The following ARHGAP22 variants were observed in gnomAD, a reference collection of about 807,000 sequenced individuals.
The protein encoded by ARHGAP22 is Rho GTPase activating protein 22.
A neutral mutation model predicts 59.1 loss-of-function variants in ARHGAP22; 48 were observed. That is an observed-to-expected ratio of 0.81 (90% CI 0.64 to 1.03). The LOEUF is 1.03. Among genes scored for constraint, ARHGAP22 ranks in the 50% least tolerant of loss-of-function variants. The probability of loss-of-function intolerance (pLI) is 0.00; values close to 1 mark genes in which losing one functional copy is unlikely to be tolerated. For synonymous variants in ARHGAP22, 445 were observed against 416.4 expected (o/e 1.07, Z -0.84); for missense variants, 1,015 against 958.7 (o/e 1.06, Z -0.78).
chr10:48,645,836 G>T (rs1006078901), intron 1 of ARHGAP22, among the ~76,000 whole-genome samples: 28 of 152,226 alleles, frequency 1.8e-4, no homozygotes, highest in African/African-American at 6.5e-4. Context: ...GAAAAAAGAG[G>T]GTCGGGAGAG....
At chr10:48,608,617 C>T (rs75215613), upstream of ARHGAP22, among the ~76,000 whole-genome samples, 2,459 of 152,248 alleles carry the variant, frequency 0.016, 78 homozygotes, top group East Asian at 0.13. Context: ...ACTCTCTGTT[C>T]CTGCTGCCAG....
the ARHGAP22 span, chr10:48,436,263 T>C: frequency 2.0e-5 from 3 of 152,238 alleles, no homozygotes; most frequent in Non-Finnish European, 2.9e-5. Flanking sequence ...CTAAGTCTTT[T>C]ATTTTTTTAT....
rs1378147025 is a variant in ARHGAP22, at chr10:48,652,534, G to A, written c.-249C>T. ...CTTGGAATGGCCTTGAGAAAGTCAC[G>A]GGGTCTTGGGGTATCAGTTCCTCAA... On this transcript the variant is annotated 5_prime_UTR_variant, in exon 1 of 10. Transcript: ENST00000435790. 2.0e-5 allele frequency: 11 copies of A among 540,236 alleles called. 1 individual carries two copies. The highest frequency in any genetic ancestry group is 5.9e-5 in the East Asian group (2 of 34,050). 33.5% of individuals were successfully genotyped at this position (540,236 alleles called of 1,614,324 possible).
chr10:48,450,488 C>T lies in ARHGAP22; in HGVS notation c.1641G>A (p.Trp547Ter). 6.5e-7 allele frequency: 1 copy of T among 1,533,694 alleles called. No homozygotes were observed. Among genetic ancestry groups the T allele is most frequent in the African/African-American group, 1.4e-5 (1 of 73,186 alleles). ...SSARSSLHTD[W>*]ALEPSPLPSS... Reference sequence around the variant, plus strand: ...TGGGGAGCGGGGAGGGCTCCAGGGCCCAGTCGGTGTGCAGGGAACTGCGGG... The same window carrying T: ...TGGGGAGCGGGGAGGGCTCCAGGGCTCAGTCGGTGTGCAGGGAACTGCGGG... The change falls in exon 9 of 10, where the codon TGG (tryptophan) becomes TGA (stop). Residue 547 changes from tryptophan to a stop codon, truncating the protein, a stop_gained. Transcript: ENST00000249601. LOFTEE classifies it high-confidence loss of function.
chr10:48,476,279 C>G (rs1322492387), intron 4 of ARHGAP22, among the ~76,000 whole-genome samples: 1 of 152,182 alleles, frequency 6.6e-6, no homozygotes, highest in Non-Finnish European at 1.5e-5. Flanking sequence ...GCTGGGCAGG[C>G]CACCAGCAGT....
At chr10:48,505,709 G>A (rs546722949) in intron 3 of ARHGAP22, among the ~76,000 whole-genome samples, 1 of 152,312 alleles carries the variant, frequency 6.6e-6, no homozygotes, top group African/African-American at 2.4e-5. Flanking sequence ...CCCTAGAGGT[G>A]TGTTCAGACG....
intron 1 of ARHGAP22, among the ~76,000 whole-genome samples, chr10:48,628,084 C>A (rs2061510295): frequency 6.6e-6 from 1 of 152,316 alleles, no homozygotes. Context: ...CCTTCTCTTC[C>A]TTGCAGTGGG....
At chr10:48,603,675 C>T (rs1054314635) in intron 1 of ARHGAP22, among the ~76,000 whole-genome samples, 1 of 152,212 alleles carries the variant, frequency 6.6e-6, no homozygotes, top group Non-Finnish European at 1.5e-5. Flanking sequence ...CTCAGCAGAG[C>T]CATGCAAGTT....
intron 1 of ARHGAP22, among the ~76,000 whole-genome samples, chr10:48,612,359 T>C (rs1008253129): frequency 6.6e-6 from 1 of 152,210 alleles, no homozygotes; most frequent in Admixed American, 6.5e-5. Context: ...CAAGAATGGA[T>C]CTGCTCTATA....
intron 1 of ARHGAP22, among the ~76,000 whole-genome samples, chr10:48,619,239 T>C (rs1275208594): frequency 1.3e-5 from 2 of 152,038 alleles, no homozygotes; most frequent in Admixed American, 1.3e-4. Flanking sequence ...TGAACTGAAA[T>C]AATTAATATT....
At chr10:48,620,787 C>T (rs977492250) in intron 1 of ARHGAP22, among the ~76,000 whole-genome samples, 3 of 152,278 alleles carry the variant, frequency 2.0e-5, no homozygotes, top group Admixed American at 2.0e-4. Context: ...TGCCCATAGA[C>T]AAAGACATTT....
At chr10:48,499,046 C>T (rs763784323) in intron 3 of ARHGAP22, among the ~76,000 whole-genome samples, 2 of 152,132 alleles carry the variant, frequency 1.3e-5, no homozygotes, top group Non-Finnish European at 2.9e-5. Context: ...GCTTGGTGGT[C>T]ATCTTGCAGC....
intron 4 of ARHGAP22, among the ~76,000 whole-genome samples, chr10:48,473,378 T>C (rs1386479464): frequency 6.6e-6 from 1 of 152,172 alleles, no homozygotes; most frequent in African/African-American, 2.4e-5. Context: ...GAAAAAGTTC[T>C]GGAGAGGGAT....
At chr10:48,468,947 G>A (rs1326163066) in intron 4 of ARHGAP22, among the ~76,000 whole-genome samples, 1 of 152,110 alleles carries the variant, frequency 6.6e-6, no homozygotes, top group Non-Finnish European at 1.5e-5. Context: ...TACCAACAGA[G>A]CCTGGCATTC....
intron 1 of ARHGAP22, among the ~76,000 whole-genome samples, chr10:48,598,187 T>C (rs7916314): frequency 0.12 from 17,805 of 152,230 alleles, 3,464 homozygotes; most frequent in African/African-American, 0.4. Flanking sequence ...GAAACTCTGT[T>C]TTCCCATCAG....
chr10:48,517,440 G>C (rs955363752), intron 3 of ARHGAP22, among the ~76,000 whole-genome samples: 1 of 152,092 alleles, frequency 6.6e-6, no homozygotes, highest in Admixed American at 6.5e-5. Context: ...GATTCCTGGG[G>C]ACCAAGGAGG....
intron 2 of ARHGAP22, chr10:48,575,433 A>C (rs1706998789): frequency 6.6e-6 from 1 of 152,162 alleles, no homozygotes; most frequent in African/African-American, 2.4e-5. Context: ...TGTGACTTTC[A>C]AGTTATGGGA....
chr10:48,502,505 G>A (rs1203352105), intron 3 of ARHGAP22, among the ~76,000 whole-genome samples: 1 of 152,144 alleles, frequency 6.6e-6, no homozygotes, highest in Admixed American at 6.5e-5. Context: ...GATGAGCGGA[G>A]AGCACCTTTC....
At chr10:48,623,483 G>T (rs1022952483) in intron 1 of ARHGAP22, among the ~76,000 whole-genome samples, 1 of 152,156 alleles carries the variant, frequency 6.6e-6, no homozygotes, top group African/African-American at 2.4e-5. Flanking sequence ...TTGTCATCTA[G>T]GGCATACTTG....
Sources: allele counts gnomAD v4.1 joint callset (sites outside exome capture counted in the v4.1 genomes callset), GRCh38; gene constraint gnomAD v4.1.1; transcripts MANE v1.5; gene names NCBI Gene and HGNC (gene_info 2026-07-23, HGNC 2026-07-21).